TFEC: variants seen among roughly 807,000 people sequenced by gnomAD.
TFEC encodes transcription factor EC.
Under a neutral mutation model 41.6 loss-of-function variants are expected in TFEC, and 31 were observed. The observed-to-expected ratio is 0.74, with a 90% CI of 0.56 to 1.01. The LOEUF (loss-of-function observed/expected upper bound fraction) is 1.01. Ranked by LOEUF, TFEC falls within the 50% of genes least tolerant of loss-of-function variation. The probability of loss-of-function intolerance (pLI) is 0.00; values close to 1 mark genes in which losing one functional copy is unlikely to be tolerated. For synonymous variants in TFEC, 143 were observed against 140.6 expected (o/e 1.02, Z -0.12); for missense variants, 402 against 404.1 (o/e 0.99, Z 0.04).
upstream of TFEC, among the ~76,000 whole-genome samples, chr7:116,032,490 A>T (rs1257929592): frequency 6.6e-6 from 1 of 152,224 alleles, no homozygotes; most frequent in East Asian, 1.9e-4. Context: ...ATCACAGAAT[A>T]CTATACAGTC....
At chr7:115,945,991 A>G (rs1170171157) in intron 6 of TFEC, among the ~76,000 whole-genome samples, 3 of 151,900 alleles carry the variant, frequency 2.0e-5, no homozygotes, top group Non-Finnish European at 4.4e-5. Flanking sequence ...TACAAAAAGT[A>G]CTTACCATTC....
chr7:116,025,049 A>G (rs1294225190), intron 1 of TFEC, among the ~76,000 whole-genome samples: 3 of 152,058 alleles, frequency 2.0e-5, no homozygotes, highest in East Asian at 1.9e-4. Context: ...ACAGCTCGGT[A>G]TAACCAGTGT....
intron 3 of TFEC, among the ~76,000 whole-genome samples, chr7:116,083,527 A>G (rs1797136628): frequency 1.3e-5 from 2 of 151,980 alleles, no homozygotes; most frequent in Non-Finnish European, 1.5e-5. Context: ...ATTCAAAATT[A>G]TAAGAAAAAC....
rs1250585041 is a variant in TFEC, at chr7:116,001,227, G to T, written c.-72-16714C>A. Among the ~76,000 whole-genome samples the T allele has an allele frequency of 2.0e-5, 3 of 152,068 alleles. No individual in the cohort carries two copies. In the East Asian group the frequency reaches 5.8e-4, roughly 29 times the overall value. Reference sequence around the variant, plus strand: ...GACAGTCTCTTCAATAAATGATGCTGGGAAAATTAGACATTCGTATACAGA... The same window carrying T: ...GACAGTCTCTTCAATAAATGATGCTTGGAAAATTAGACATTCGTATACAGA... On this transcript the variant is annotated intron_variant, in intron 1 of 7. Transcript: ENST00000265440.
At chr7:116,038,264 T>C (rs892503268) in intron 3 of TFEC, among the ~76,000 whole-genome samples, 6 of 152,050 alleles carry the variant, frequency 3.9e-5, no homozygotes, top group Non-Finnish European at 4.4e-5. Flanking sequence ...TCTAAAAATT[T>C]TGAAGTAGGC....
In TFEC at chr7:116,053,959, A is replaced by C. The variant is rs138770577; in HGVS notation, c.198+56749T>G. Among the ~76,000 whole-genome samples the C allele has an allele frequency of 3.4e-4, 52 of 152,346 alleles. 1 individual carries two copies. The East Asian group carries it at 9.6e-3, about 28-fold the overall frequency. On this transcript the variant is annotated intron_variant, in intron 3 of 8. Transcript: ENST00000484212. Reference sequence around the variant, plus strand: ...AATTATTTATTCATCATAATAACCTAATATGGTATGTCTAACTATTATTGT... The same window carrying C: ...AATTATTTATTCATCATAATAACCTCATATGGTATGTCTAACTATTATTGT...
At chr7:115,987,195 C>A (rs760676276) in intron 1 of TFEC, among the ~76,000 whole-genome samples, 1 of 152,054 alleles carries the variant, frequency 6.6e-6, no homozygotes, top group African/African-American at 2.4e-5. Context: ...ATCTGTACAA[C>A]ATCTGTAAAC....
At chr7:116,062,217 T>C (rs1796575141) in intron 3 of TFEC, among the ~76,000 whole-genome samples, 1 of 133,488 alleles carries the variant, frequency 7.5e-6, no homozygotes, top group Non-Finnish European at 1.6e-5. Flanking sequence ...TGTGCCAACA[T>C]GCCTGGCCTT....
intron 3 of TFEC, among the ~76,000 whole-genome samples, chr7:115,970,848 G>A (rs1793100691): frequency 6.6e-6 from 1 of 151,874 alleles, no homozygotes; most frequent in Non-Finnish European, 1.5e-5. Flanking sequence ...CTCACCAGAA[G>A]CAGATACCAG....
chr7:116,057,170 T>C (rs2130976072), intron 3 of TFEC, among the ~76,000 whole-genome samples: 1 of 152,112 alleles, frequency 6.6e-6, no homozygotes, highest in African/African-American at 2.4e-5. Context: ...CCATTAGCTA[T>C]GGGGCAAATT....
At chr7:116,014,285 T>C (rs951952345) in intron 1 of TFEC, among the ~76,000 whole-genome samples, 2 of 152,100 alleles carry the variant, frequency 1.3e-5, no homozygotes, top group Admixed American at 6.6e-5. Context: ...AATAAGTGCA[T>C]ATAAAATGTT....
At chr7:116,097,885 A>G (rs559938655) in intron 3 of TFEC, among the ~76,000 whole-genome samples, 1 of 152,240 alleles carries the variant, frequency 6.6e-6, no homozygotes, top group Non-Finnish European at 1.5e-5. Flanking sequence ...TGAAACTCTG[A>G]AAAATGTTTA....
intron 1 of TFEC, among the ~76,000 whole-genome samples, chr7:116,004,209 A>G (rs1794703241): frequency 6.6e-6 from 1 of 152,156 alleles, no homozygotes; most frequent in Admixed American, 6.5e-5. Flanking sequence ...TGAAAAGATC[A>G]ATAAAATTAA....
intron 3 of TFEC, among the ~76,000 whole-genome samples, chr7:115,973,283 AT>A (rs1034312828): frequency 4.0e-5 from 6 of 151,656 alleles, no homozygotes; most frequent in Admixed American, 1.3e-4. Context: ...TGCTTCCACC[AT>A]TTTTTTTCTA....
intron 3 of TFEC, among the ~76,000 whole-genome samples, chr7:116,087,119 G>A (rs963497077): frequency 3.3e-5 from 5 of 151,904 alleles, no homozygotes; most frequent in Non-Finnish European, 5.9e-5. Flanking sequence ...TCAGGGGAGG[G>A]ACAACATCTC....
chr7:116,033,605 T>C (rs747573576), upstream of TFEC, among the ~76,000 whole-genome samples: 2 of 152,114 alleles, frequency 1.3e-5, no homozygotes, highest in Non-Finnish European at 2.9e-5. Flanking sequence ...TTTGTTATCA[T>C]AGATGAATTA....
rs768915157 is a variant in TFEC, at chr7:115,940,913, G to A, written c.682C>T (p.Arg228Cys). Residue 228 changes from arginine to cysteine, a missense_variant, in exon 8 of 8, where the codon CGT becomes TGT. Coordinates refer to ENST00000265440, the MANE Select transcript of TFEC (RefSeq NM_012252.4). Reference sequence around the variant, plus strand: ...GCCAGGGTTGGCAGACCATGAGTACGAGCCTGAATTTCTAGTTCCTGTAAT... The same window carrying A: ...GCCAGGGTTGGCAGACCATGAGTACAAGCCTGAATTTCTAGTTCCTGTAAT... Reference protein sequence around the residue: ...LRIQELEIQARTHGLPTLASL... With the variant: ...LRIQELEIQACTHGLPTLASL... 3.7e-5 allele frequency: 58 copies of A among 1,574,432 alleles called. No homozygotes were observed. The highest frequency in any genetic ancestry group is 4.7e-5 in the Non-Finnish European group (54 of 1,158,272).
chr7:116,101,854 A>G (rs1013219787), intron 3 of TFEC, among the ~76,000 whole-genome samples: 1 of 152,236 alleles, frequency 6.6e-6, no homozygotes, highest in Non-Finnish European at 1.5e-5. Context: ...TAAGTTTGCC[A>G]TTCAGTAATG....
chr7:116,005,839 C>T (rs1329378229), intron 1 of TFEC, among the ~76,000 whole-genome samples: 2 of 152,188 alleles, frequency 1.3e-5, no homozygotes, highest in African/African-American at 4.8e-5. Flanking sequence ...GTTTCCTGGG[C>T]CAGTCCCAGG....
Sources: gnomAD v4.1 joint callset for allele counts (sites outside exome capture counted in the v4.1 genomes callset) on GRCh38, gnomAD v4.1.1 for gene constraint, MANE v1.5 for transcripts, NCBI Gene and HGNC (gene_info 2026-07-23, HGNC 2026-07-21) for gene names.